CCSAP: variants seen among roughly 807,000 people sequenced by gnomAD.
CCSAP encodes the protein centriole, cilia and spindle associated protein, also known as centriole, cilia and spindle-associated protein.
In CCSAP, 17 loss-of-function variants were observed where a neutral mutation model predicts 25.9. That is an observed-to-expected ratio of 0.66 (90% CI 0.45 to 0.99). The LOEUF is 0.99. CCSAP is among the 50% of genes least tolerant of loss of function. The pLI, the probability that CCSAP is intolerant of heterozygous loss-of-function variation, is 0.00. For synonymous variants in CCSAP, 169 were observed against 157.1 expected (o/e 1.08, Z -0.57); for missense variants, 339 against 367.8 (o/e 0.92, Z 0.64).
chr1:229,337,678 A>AAAAAAAAAAAAAAAAAATATATAT, intron 2 of CCSAP, among the ~76,000 whole-genome samples: 1 of 65,548 alleles, frequency 1.5e-5, no homozygotes, highest in African/African-American at 6.0e-5. Context: ...CTCAAAAAAA[A>AAAAAAAAAAAAAAAAAATATATAT]ATATATATAT....
intron 2 of CCSAP, among the ~76,000 whole-genome samples, chr1:229,338,575 AG>A (rs1449066425): frequency 1.3e-5 from 2 of 151,316 alleles, no homozygotes; most frequent in East Asian, 1.9e-4. Flanking sequence ...ACACACACAC[AG>A]AATTTCCTAA....
At chr1:229,337,994 T>C (rs1459607993) in intron 2 of CCSAP, among the ~76,000 whole-genome samples, 1 of 152,044 alleles carries the variant, frequency 6.6e-6, no homozygotes, top group Non-Finnish European at 1.5e-5. Context: ...AAACCATAAA[T>C]TTTAACAAAA....
intron 2 of CCSAP, among the ~76,000 whole-genome samples, chr1:229,339,900 T>G (rs1227769328): frequency 1.3e-5 from 2 of 151,962 alleles, no homozygotes; most frequent in African/African-American, 2.4e-5. Flanking sequence ...CGTGTGTGTG[T>G]GGGTGAGGAG....
At chr1:229,330,938 G>T (rs1658054241) in intron 2 of CCSAP, among the ~76,000 whole-genome samples, 1 of 152,106 alleles carries the variant, frequency 6.6e-6, no homozygotes, top group South Asian at 2.1e-4. Flanking sequence ...GGTGGTCACT[G>T]GTGCCAGAGG....
chr1:229,342,216 G>C lies in CCSAP; in HGVS notation c.250C>G (p.Pro84Ala). 1.6e-6 allele frequency: 2 copies of C among 1,252,434 alleles called. No homozygotes were observed. The highest frequency in any genetic ancestry group is 2.0e-6 in the Non-Finnish European group (2 of 1,000,784). The allele number at this position is 1,252,434 out of a possible 1,614,324, so 77.6% of individuals were successfully genotyped here. ...PRCAPPSPPP[P>A]VEPATQEEAE... Reference sequence around the variant, plus strand: ...TCCTCCTGGGTCGCCGGCTCTACGGGCGGCGGGGGCGAGGGCGGGGCGCAC... The same window carrying C: ...TCCTCCTGGGTCGCCGGCTCTACGGCCGGCGGGGGCGAGGGCGGGGCGCAC... The change falls in exon 2 of 4, where the codon CCC becomes GCC. Residue 84 changes from proline to alanine, a missense_variant. Transcript: ENST00000284617. This position sits in a 1 kb window ranked among gnomAD's most constrained non-coding sequence, Gnocchi z 7.5.
At chr1:229,339,640 G>C (rs1658283326) in intron 2 of CCSAP, among the ~76,000 whole-genome samples, 1 of 152,236 alleles carries the variant, frequency 6.6e-6, no homozygotes, top group Admixed American at 6.5e-5. Flanking sequence ...ATGCCAGCCA[G>C]GCAGCAGCCC....
intron 2 of CCSAP, among the ~76,000 whole-genome samples, chr1:229,330,230 CCT>C (rs1308746631): frequency 4.6e-5 from 7 of 152,132 alleles, no homozygotes; most frequent in Non-Finnish European, 1.0e-4. Flanking sequence ...GTCATGCTGT[CCT>C]CTGACATAGG....
In CCSAP at chr1:229,326,909, T is replaced by C; in HGVS notation, c.465A>G (p.Pro155=). ...TGTTTCCTCTAGCAAATAAGGCACT[T>C]GGTTGCTGTCGAGGCTCAGTACTGG... ...SPTSTEPRQQ[P]SALFARGNRK... The change falls in exon 3 of 4, where the codon CCA becomes CCG. Residue 155 remains proline (P), a synonymous_variant. Transcript: ENST00000284617. 1 of 1,614,254 alleles carries C rather than the reference T, an allele frequency of 6.2e-7. No individual in the cohort carries two copies. The highest frequency in any genetic ancestry group is 1.1e-5 in the South Asian group (1 of 91,090).
At chr1:229,341,193 CAAAA>C (rs71561730) in intron 2 of CCSAP, among the ~76,000 whole-genome samples, 8 of 91,098 alleles carry the variant, frequency 8.8e-5, no homozygotes, top group Non-Finnish European at 1.1e-4. Flanking sequence ...GACTCCGTCT[CAAAA>C]AAAAAAAAAA....
rs765999981 is a variant in CCSAP at position 229,342,501 on chromosome 1, CGCTGCCCGCA to C, written c.-46_-37del. 6.1e-6 allele frequency: 8 copies of C among 1,304,490 alleles called. 1 individual carries two copies. The African/African-American group carries it at 7.6e-5, about 12-fold the overall frequency. 80.8% of individuals were successfully genotyped at this position (1,304,490 alleles called of 1,614,324 possible). On this transcript the variant is annotated splice_region_variant and 5_prime_UTR_variant, in exon 2 of 4. Transcript: ENST00000284617. This position sits in a 1 kb window ranked among gnomAD's most constrained non-coding sequence, Gnocchi z 7.5. ...GCCGCCTCGAGCGCCAGCCGCTCCT[CGCTGCCCGCA>C]GCCTACGGGACCCGGTACACGACAC...
rs1398841793 is a variant in CCSAP, at chr1:229,342,292, C to A, written c.174G>T (p.Ser58=). The A allele has an allele frequency of 7.1e-7, 1 of 1,406,636 alleles. No homozygotes were observed. The highest frequency in any genetic ancestry group is 9.3e-7 in the Non-Finnish European group (1 of 1,079,646). The allele number at this position is 1,406,636 out of a possible 1,614,324, so 87.1% of individuals were successfully genotyped here. A position where few individuals can be genotyped will look rare whatever the true frequency, so the allele number is the denominator to read the frequency against. The change falls in exon 2 of 4, where the codon TCG becomes TCT. Residue 58 remains serine, a synonymous_variant. Transcript: ENST00000284617. The surrounding 1 kb of genome is among the most constrained non-coding windows in gnomAD (Gnocchi z 7.5). The part of the protein sequence containing the change: ...LWDDWGPAGS[S]EDSASSESSG... Reference sequence around the variant, plus strand: ...ACGACTCTGACGACGCCGAGTCCTCCGAGGAGCCGGCCGGGCCCCAGTCGT... The same window carrying A: ...ACGACTCTGACGACGCCGAGTCCTCAGAGGAGCCGGCCGGGCCCCAGTCGT...
At chr1:229,338,415 C>G (rs796960507) in intron 2 of CCSAP, among the ~76,000 whole-genome samples, 10 of 152,014 alleles carry the variant, frequency 6.6e-5, no homozygotes, top group African/African-American at 2.2e-4. Flanking sequence ...TAAAATCTAA[C>G]CTAAAAAGAA....
In CCSAP at chr1:229,323,497, A is replaced by G; in HGVS notation, c.*1738T>C. On this transcript the variant is annotated 3_prime_UTR_variant, in exon 4 of 4. Coordinates refer to ENST00000284617, the MANE Select transcript of CCSAP (RefSeq NM_145257.5). ...ACAGTTTTCACAATCAGCTAGCTAC[A>G]CCATCACAAATTGCCACATTAAGGT... The G allele has an allele frequency of 6.6e-6, 1 of 152,198 alleles. No homozygotes were observed. Among genetic ancestry groups the G allele is most frequent in the East Asian group, 1.9e-4 (1 of 5,200 alleles). The allele number at this position is 152,198 out of a possible 1,614,324, so 9.4% of individuals were successfully genotyped here.
chr1:229,337,702 C>CAAATATATATAT (rs1553305161), intron 2 of CCSAP, among the ~76,000 whole-genome samples: 1 of 48,590 alleles, frequency 2.1e-5, no homozygotes. Context: ...TATATATACA[C>CAAATATATATAT]ATACATATAT....
chr1:229,331,787 T>TTTATTATTATTATTATTA (rs139107975), intron 2 of CCSAP, among the ~76,000 whole-genome samples: 7 of 140,642 alleles, frequency 5.0e-5, no homozygotes, highest in Admixed American at 1.4e-4. Context: ...CTAATATCCT[T>TTTATTATTATTATTATTA]TTATTATTAT....
Position 229,321,619 on chromosome 1 carries a change from A to G in CCSAP, c.*3616T>C, listed in dbSNP as rs925213577. On this transcript the variant is annotated 3_prime_UTR_variant, in exon 4 of 4. Coordinates refer to ENST00000284617, the MANE Select transcript of CCSAP (RefSeq NM_145257.5). Reference sequence around the variant, plus strand: ...CAAAGCAACTATAGCATCAAGCTACATAAATATTAGCACCATTTTTTATCT... The same window carrying G: ...CAAAGCAACTATAGCATCAAGCTACGTAAATATTAGCACCATTTTTTATCT... 10 of 152,256 alleles carry G rather than the reference A, an allele frequency of 6.6e-5. No homozygotes were observed. The highest frequency in any genetic ancestry group is 2.4e-4 in the African/African-American group (10 of 41,480). 9.4% of individuals were successfully genotyped at this position (152,256 alleles called of 1,614,324 possible). A position where few individuals can be genotyped will look rare whatever the true frequency, so the allele number is the denominator to read the frequency against.
chr1:229,339,142 G>A (rs991891922), intron 2 of CCSAP, among the ~76,000 whole-genome samples: 9 of 149,446 alleles, frequency 6.0e-5, no homozygotes, highest in Non-Finnish European at 1.2e-4. Context: ...GAAAACTTCC[G>A]GGAATTAAAA....
rs778319465 is a variant in CCSAP, at chr1:229,325,199, C to T, written c.*36G>A. 7.2e-6 allele frequency: 11 copies of T among 1,538,236 alleles called. No individual in the cohort carries two copies. Among genetic ancestry groups the T allele is most frequent in the South Asian group, 1.3e-5 (1 of 79,338 alleles). On this transcript the variant is annotated 3_prime_UTR_variant, in exon 4 of 4. Coordinates refer to ENST00000284617, the MANE Select transcript of CCSAP (RefSeq NM_145257.5). ...TTTTGTTTTTCCTTTCAGTCATTTA[C>T]ACTTTTTAAAAGAGGCTGTCCACGC...
intron 2 of CCSAP, 81 bp from the exon 3 acceptor site, chr1:229,327,087 T>A: frequency 8.3e-7 from 1 of 1,211,528 alleles, no homozygotes; most frequent in South Asian, 1.8e-5. Flanking sequence ...TGAAAAATCA[T>A]AATGCTTAAG....
Sources: gnomAD v4.1 joint callset for allele counts (sites outside exome capture counted in the v4.1 genomes callset) on GRCh38, gnomAD v4.1.1 for gene constraint, Gnocchi (gnomAD v3.1) non-coding constraint, MANE v1.5 for transcripts, NCBI Gene and HGNC (gene_info 2026-07-23, HGNC 2026-07-21) for gene names.